The following CDIN1 variants were observed in gnomAD, a reference collection of about 807,000 sequenced individuals.
CDIN1 encodes CDAN1-interacting nuclease 1.
In CDIN1, 33 loss-of-function variants were observed where a neutral mutation model predicts 45.3. The ratio of observed to expected loss-of-function variants is 0.73; its 90% CI spans 0.55 to 0.97. The LOEUF is 0.97. Among genes scored for constraint, CDIN1 ranks in the 50% least tolerant of loss-of-function variants. CDIN1 has a pLI of 0.00. For missense variants in CDIN1, 303 were observed against 339.4 expected (o/e 0.89, Z 0.84); for synonymous variants, 118 against 124.4 (o/e 0.95, Z 0.34).
At position 36,733,004 on chromosome 15, in the gene CDIN1, A is replaced by G. The variant is rs534035927; in HGVS notation, c.716+23043A>G. 9.2e-5 allele frequency among the ~76,000 whole-genome samples: 14 copies of G among 152,226 alleles called. No homozygotes were observed. In the East Asian group the frequency reaches 2.1e-3, roughly 23 times the overall value. Reference sequence around the variant, plus strand: ...TGAACATTTATTCAAAATATGACAGAAACTTATTAGCATACTTCTTTGTGC... The same window carrying G: ...TGAACATTTATTCAAAATATGACAGGAACTTATTAGCATACTTCTTTGTGC... On this transcript the variant is annotated intron_variant, in intron 10 of 10. Coordinates refer to ENST00000566621, the MANE Select transcript of CDIN1 (RefSeq NM_001321759.2).
intron 5 of CDIN1, among the ~76,000 whole-genome samples, chr15:36,675,050 G>A (rs757175299): frequency 4.6e-5 from 7 of 152,112 alleles, no homozygotes; most frequent in South Asian, 2.1e-4. Context: ...AAAGAAGTTC[G>A]TGAGGCCACT....
chr15:36,804,863 C>T (rs1032276775), intron 10 of CDIN1, among the ~76,000 whole-genome samples: 12 of 151,328 alleles, frequency 7.9e-5, no homozygotes, highest in African/African-American at 2.7e-4. Flanking sequence ...TTAGTGGAGA[C>T]GGGGTTTCAC....
chr15:36,729,252 G>C (rs2043754267), intron 10 of CDIN1, among the ~76,000 whole-genome samples: 1 of 152,042 alleles, frequency 6.6e-6, no homozygotes, highest in Admixed American at 6.5e-5. Context: ...CTAGTAGGTG[G>C]ATCTTTTCTT....
intron 7 of CDIN1, chr15:36,696,582 A>C (rs186123615): frequency 1.9e-4 from 29 of 152,298 alleles, no homozygotes; most frequent in African/African-American, 6.7e-4. Flanking sequence ...TTAATTTAAA[A>C]ATTTTTTTAG....
At chr15:36,725,398 T>C (rs991894261) in intron 10 of CDIN1, among the ~76,000 whole-genome samples, 6 of 152,092 alleles carry the variant, frequency 3.9e-5, no homozygotes, top group Non-Finnish European at 7.4e-5. Context: ...AAAATAAAAT[T>C]AGTTTTTCAA....
chr15:36,732,273 G>A (rs1348883794), intron 10 of CDIN1, among the ~76,000 whole-genome samples: 5 of 151,836 alleles, frequency 3.3e-5, no homozygotes, highest in African/African-American at 7.3e-5. Flanking sequence ...ACAAGACAAA[G>A]GCACAAAAAA....
chr15:36,684,244 G>C, intron 5 of CDIN1, among the ~76,000 whole-genome samples: 1 of 151,106 alleles, frequency 6.6e-6, no homozygotes, highest in African/African-American at 2.4e-5. Context: ...TTTGAAATAC[G>C]TCCCATCAAT....
chr15:36,792,606 T>TG (rs1037867024), intron 10 of CDIN1, among the ~76,000 whole-genome samples: 13 of 64,096 alleles, frequency 2.0e-4, no homozygotes, highest in Middle Eastern at 5.6e-3. Context: ...GAGGTGGGGC[T>TG]GGGGGGGAGG....
chr15:36,701,078 ATAGGTAGG>A (rs201272182), intron 8 of CDIN1, among the ~76,000 whole-genome samples: 1 of 150,496 alleles, frequency 6.6e-6, no homozygotes, highest in Middle Eastern at 3.4e-3. Context: ...TCTAACTAAA[ATAGGTAGG>A]TAGGTAGGTA....
At chr15:36,778,985 G>C (rs2054286018) in intron 10 of CDIN1, among the ~76,000 whole-genome samples, 1 of 152,130 alleles carries the variant, frequency 6.6e-6, no homozygotes, top group South Asian at 2.1e-4. Context: ...GAGTAAGACT[G>C]GGGGGAGATA....
intron 1 of CDIN1, among the ~76,000 whole-genome samples, chr15:36,595,487 C>T (rs1481474078): frequency 3.3e-5 from 5 of 151,962 alleles, no homozygotes; most frequent in Non-Finnish European, 5.9e-5. Context: ...CCTTAGTGAA[C>T]ATCAGGAAAA....
chr15:36,666,504 A>C (rs1483681108), intron 5 of CDIN1, among the ~76,000 whole-genome samples: 1 of 152,138 alleles, frequency 6.6e-6, no homozygotes, highest in African/African-American at 2.4e-5. Context: ...TGTCAGAACA[A>C]TGTTCTTGGT....
chr15:36,676,895 T>A lies in CDIN1; in HGVS notation c.347-14790T>A, dbSNP rs1004197846. On this transcript the variant is annotated intron_variant, in intron 5 of 10. Coordinates refer to ENST00000566621, the MANE Select transcript of CDIN1 (RefSeq NM_001321759.2). Reference sequence around the variant, plus strand: ...ACCATGGAATCTCTTACCGTAAGTTTAAACTATTTATAAAAGTACTATATA... The same window carrying A: ...ACCATGGAATCTCTTACCGTAAGTTAAAACTATTTATAAAAGTACTATATA... Among the ~76,000 whole-genome samples the A allele has an allele frequency of 1.2e-3, 183 of 152,258 alleles. 1 individual carries two copies. The highest frequency in any genetic ancestry group is 4.0e-3 in the African/African-American group (166 of 41,560).
At chr15:36,652,100 C>T (rs931446034) in intron 3 of CDIN1, among the ~76,000 whole-genome samples, 13 of 152,206 alleles carry the variant, frequency 8.5e-5, no homozygotes, top group South Asian at 2.1e-4. Context: ...GATCTCTACT[C>T]GAGTGTCACT....
rs148501419 is a variant in CDIN1, at chr15:36,618,591, G to T, written c.102-25687G>T. On this transcript the variant is annotated intron_variant, in intron 1 of 10. Coordinates refer to ENST00000566621, the MANE Select transcript of CDIN1 (RefSeq NM_001321759.2). ...CAGATAAACTCATTTTGGAGAATAG[G>T]ATGTCTGATGTTGTTAAAGGTGTCT... is the stretch of plus-strand genomic sequence containing the variant. The T allele has an allele frequency of 4.7e-6, 4 of 842,138 alleles. No homozygotes were observed. The East Asian group carries it at 7.2e-5, about 15-fold the overall frequency. The allele number at this position is 842,138 out of a possible 1,614,324, so 52.2% of individuals were successfully genotyped here.
intron 1 of CDIN1, among the ~76,000 whole-genome samples, chr15:36,622,643 TA>T (rs2039249932): frequency 6.6e-6 from 1 of 152,178 alleles, no homozygotes; most frequent in African/African-American, 2.4e-5. Context: ...GGAACCAGGG[TA>T]ACAGCAAATG....
In CDIN1 at chr15:36,737,756, C is replaced by T. The variant is rs117384688; in HGVS notation, c.716+27795C>T. On this transcript the variant is annotated intron_variant, in intron 10 of 10. Coordinates refer to ENST00000566621, the MANE Select transcript of CDIN1 (RefSeq NM_001321759.2). ...AAGTAATTTAACCCAAATAAGAATA[C>T]TCATATACAGGGAAATGCCTGGAGC... Among the ~76,000 whole-genome samples the T allele has an allele frequency of 4.2e-3, 640 of 152,240 alleles. 2 individuals are homozygous for T. Among genetic ancestry groups the T allele is most frequent in the Non-Finnish European group, 7.4e-3 (502 of 68,004 alleles).
chr15:36,583,372 TG>T (rs1193891232), intron 1 of CDIN1, among the ~76,000 whole-genome samples: 13 of 152,220 alleles, frequency 8.5e-5, no homozygotes, highest in Non-Finnish European at 1.8e-4. Flanking sequence ...CTGTGACTTC[TG>T]GGGTAGCCTC....
At chr15:36,707,349 C>A (rs964448108) in intron 8 of CDIN1, 2 of 151,812 alleles carry the variant, frequency 1.3e-5, no homozygotes, top group Non-Finnish European at 2.9e-5. Flanking sequence ...AGAGAGAGAG[C>A]GAGCCAGTTG....
Sources: gnomAD v4.1 joint callset for allele counts (sites outside exome capture counted in the v4.1 genomes callset) on GRCh38, gnomAD v4.1.1 for gene constraint, MANE v1.5 for transcripts, NCBI Gene and HGNC (gene_info 2026-07-23, HGNC 2026-07-21) for gene names.